Variants in SLCO3A1 observed in about 807,000 individuals in gnomAD.
SLCO3A1 encodes solute carrier organic anion transporter family member 3A1.
SLCO3A1 carries 27 observed loss-of-function variants against 63.1 expected under a neutral mutation model. The observed-to-expected ratio is 0.43, with a 90% CI of 0.32 to 0.59. SLCO3A1 has a LOEUF of 0.59. Among genes scored for constraint, SLCO3A1 ranks in the 20% least tolerant of loss-of-function variants. The pLI, the probability that SLCO3A1 is intolerant of heterozygous loss-of-function variation, is 0.09. For synonymous variants in SLCO3A1, 473 were observed against 409.9 expected (o/e 1.15, Z -1.86); for missense variants, 773 against 945.8 (o/e 0.82, Z 2.40).
intron 2 of SLCO3A1, among the ~76,000 whole-genome samples, chr15:91,971,242 A>C (rs1378381991): frequency 6.6e-6 from 1 of 151,670 alleles, no homozygotes; most frequent in African/African-American, 2.4e-5. Flanking sequence ...AAAAATACAA[A>C]AAATTAGCCG....
At chr15:92,078,463 G>A (rs554574016) in intron 2 of SLCO3A1, among the ~76,000 whole-genome samples, 5 of 152,300 alleles carry the variant, frequency 3.3e-5, no homozygotes, top group Admixed American at 1.3e-4. Flanking sequence ...TGACCTCGGC[G>A]CACCTCCGCG....
chr15:92,044,102 C>A (rs1015864042), intron 2 of SLCO3A1, among the ~76,000 whole-genome samples: 1 of 152,166 alleles, frequency 6.6e-6, no homozygotes, highest in Non-Finnish European at 1.5e-5. Context: ...TATACGAATT[C>A]TTAGGATCTA....
intron 2 of SLCO3A1, among the ~76,000 whole-genome samples, chr15:91,966,973 G>A (rs999367413): frequency 2.0e-5 from 3 of 152,048 alleles, no homozygotes; most frequent in East Asian, 1.9e-4. Flanking sequence ...AGACAAAAGC[G>A]TGGTGCAGTT....
chr15:91,922,672 A>G (rs976586001), intron 2 of SLCO3A1, among the ~76,000 whole-genome samples: 1 of 152,226 alleles, frequency 6.6e-6, no homozygotes, highest in African/African-American at 2.4e-5. Flanking sequence ...ACTGAAGTTC[A>G]TCTGAAAAAA....
chr15:92,067,322 C>G (rs974577190), intron 2 of SLCO3A1, among the ~76,000 whole-genome samples: 14 of 152,226 alleles, frequency 9.2e-5, no homozygotes, highest in Non-Finnish European at 1.9e-4. Flanking sequence ...CCCTCTGCTT[C>G]CCGTGTGGTT....
intron 2 of SLCO3A1, among the ~76,000 whole-genome samples, chr15:92,084,896 G>A (rs2047387610): frequency 6.6e-6 from 1 of 152,228 alleles, no homozygotes; most frequent in East Asian, 1.9e-4. Flanking sequence ...AGGCCTTCCA[G>A]TGAGCCTGCA....
At chr15:92,029,135 G>T (rs1214542644) in intron 2 of SLCO3A1, among the ~76,000 whole-genome samples, 1 of 152,102 alleles carries the variant, frequency 6.6e-6, no homozygotes, top group Non-Finnish European at 1.5e-5. Context: ...GGGAAAGTTT[G>T]CTATAATTAC....
At chr15:91,899,515 T>A (rs1393413181) in intron 1 of SLCO3A1, among the ~76,000 whole-genome samples, 1 of 152,218 alleles carries the variant, frequency 6.6e-6, no homozygotes, top group African/African-American at 2.4e-5. Context: ...AAGCTTTTTG[T>A]GAACCTCTCC....
intron 7 of SLCO3A1, among the ~76,000 whole-genome samples, chr15:92,137,286 C>T: frequency 1.9e-5 from 2 of 106,356 alleles, no homozygotes; most frequent in Admixed American, 1.1e-4. Context: ...ATCCATGTCC[C>T]TACAAAGGAC....
intron 1 of SLCO3A1, among the ~76,000 whole-genome samples, chr15:91,855,690 CT>C (rs1896900200): frequency 6.6e-6 from 1 of 152,116 alleles, no homozygotes; most frequent in Non-Finnish European, 1.5e-5. Flanking sequence ...GGAAATTTAA[CT>C]GTTAAAATAT....
chr15:91,858,502 T>G (rs1896977402), intron 1 of SLCO3A1, among the ~76,000 whole-genome samples: 1 of 152,234 alleles, frequency 6.6e-6, no homozygotes, highest in Non-Finnish European at 1.5e-5. Context: ...GGGGTTTTTG[T>G]TGGTGTATTT....
At chr15:92,054,789 T>C (rs954718327) in intron 2 of SLCO3A1, among the ~76,000 whole-genome samples, 1 of 152,228 alleles carries the variant, frequency 6.6e-6, no homozygotes, top group African/African-American at 2.4e-5. Context: ...TCTTGTTCCT[T>C]TTTATGGCTG....
At chr15:91,955,171 C>T (rs1391733036) in intron 2 of SLCO3A1, among the ~76,000 whole-genome samples, 1 of 152,140 alleles carries the variant, frequency 6.6e-6, no homozygotes, top group Non-Finnish European at 1.5e-5. Context: ...TTGTTGTTCT[C>T]AGCTTCCACG....
intron 2 of SLCO3A1, among the ~76,000 whole-genome samples, chr15:91,958,467 C>T (rs569947457): frequency 8.5e-5 from 13 of 152,304 alleles, no homozygotes; most frequent in African/African-American, 2.6e-4. Context: ...ATTTCCCAGT[C>T]GGGTAATGCT....
At chr15:91,963,418 G>A (rs1368154177) in intron 2 of SLCO3A1, among the ~76,000 whole-genome samples, 1 of 130,582 alleles carries the variant, frequency 7.7e-6, no homozygotes, top group East Asian at 2.6e-4. Context: ...TGGGGGGGGG[G>A]GGCGGCAGCA....
intron 2 of SLCO3A1, among the ~76,000 whole-genome samples, chr15:92,056,861 C>T (rs1237672546): frequency 1.3e-5 from 2 of 152,192 alleles, no homozygotes; most frequent in African/African-American, 4.8e-5. Context: ...AGAACAAGCT[C>T]AACCCCTTCC....
intron 4 of SLCO3A1, among the ~76,000 whole-genome samples, chr15:92,115,056 G>A (rs1374940888): frequency 1.2e-5 from 1 of 80,062 alleles, no homozygotes; most frequent in African/African-American, 3.1e-5. Flanking sequence ...TGACAGCAAT[G>A]TTATCAAAGG....
intron 2 of SLCO3A1, among the ~76,000 whole-genome samples, chr15:92,064,054 C>T (rs1236292794): frequency 6.6e-6 from 1 of 152,108 alleles, no homozygotes; most frequent in African/African-American, 2.4e-5. Flanking sequence ...ATAAGTTAAC[C>T]TCTCCAACAG....
intron 5 of SLCO3A1, among the ~76,000 whole-genome samples, chr15:92,122,768 A>G (rs1420344513): frequency 5.3e-5 from 8 of 152,240 alleles, no homozygotes; most frequent in African/African-American, 9.6e-5. Flanking sequence ...ATGTCCGTCA[A>G]TGTAAAATGG....
Sources: gnomAD v4.1 joint callset for allele counts (sites outside exome capture counted in the v4.1 genomes callset) on GRCh38, gnomAD v4.1.1 for gene constraint, MANE v1.5 for transcripts, NCBI Gene and HGNC (gene_info 2026-07-23, HGNC 2026-07-21) for gene names.